DSG3: variants seen among roughly 807,000 people sequenced by gnomAD.
DSG3 encodes the protein desmoglein-3.
In DSG3, 63 loss-of-function variants were observed where a neutral mutation model predicts 85.9. The observed-to-expected ratio is 0.73, with a 90% CI of 0.60 to 0.90. DSG3 has a LOEUF of 0.90. Among genes scored for constraint, DSG3 ranks in the 40% least tolerant of loss-of-function variants. The pLI, the probability that DSG3 is intolerant of heterozygous loss-of-function variation, is 0.00. For missense variants in DSG3, 1,220 were observed against 1,219.9 expected (o/e 1.00, Z 0.00); for synonymous variants, 447 against 441.9 (o/e 1.01, Z -0.14).
intron 1 of DSG3, among the ~76,000 whole-genome samples, chr18:31,449,929 G>T (rs2072701175): frequency 6.6e-6 from 1 of 152,126 alleles, no homozygotes; most frequent in Non-Finnish European, 1.5e-5. Context: ...ATTTGAAGAA[G>T]ACTTTGAATG....
intron 1 of DSG3, 56 bp from the exon 2 acceptor site, chr18:31,456,384 A>G: frequency 9.4e-7 from 1 of 1,063,588 alleles, no homozygotes; most frequent in Non-Finnish European, 1.3e-6. Flanking sequence ...TTCATTGTAT[A>G]TAATTCCTTA....
Position 31,461,894 on chromosome 18 carries a change from C to A in DSG3, c.999+482C>A, listed in dbSNP as rs540195873. Among the ~76,000 whole-genome samples, 8 of 152,258 alleles carry A rather than the reference C, an allele frequency of 5.3e-5. No individual in the cohort carries two copies. In the South Asian group the frequency reaches 1.7e-3, roughly 32 times the overall value. On this transcript the variant is annotated intron_variant, in intron 8 of 15. Transcript: ENST00000257189. ...TTCCTACAAAATGGGAATTTATGAA[C>A]AAAATCTGCAAAATAAAAGATAAAT...
intron 14 of DSG3, 152 bp from the exon 15 acceptor site, chr18:31,473,969 T>C (rs2072870710): frequency 7.3e-6 from 5 of 689,382 alleles, no homozygotes; most frequent in Non-Finnish European, 1.2e-5. Context: ...ACATAACACA[T>C]TGTGGGATGT....
intron 9 of DSG3, among the ~76,000 whole-genome samples, chr18:31,464,830 A>T (rs529385154): frequency 4.6e-5 from 7 of 152,280 alleles, no homozygotes; most frequent in Admixed American, 3.3e-4. Flanking sequence ...TGCATAGCAG[A>T]TATGCTTAAG....
chr18:31,457,922 C>G (rs959321298), intron 3 of DSG3, among the ~76,000 whole-genome samples: 1 of 152,034 alleles, frequency 6.6e-6, no homozygotes, highest in Non-Finnish European at 1.5e-5. Context: ...AGCCACCACG[C>G]CCAGCCTGTT....
In DSG3 at chr18:31,472,358, G is replaced by C. The variant is rs1452609392; in HGVS notation, c.1972G>C (p.Val658Leu). The C allele has an allele frequency of 7.4e-6, 12 of 1,614,048 alleles. No individual in the cohort carries two copies. The highest frequency in any genetic ancestry group is 2.7e-5 in the African/African-American group (2 of 74,916). Residue 658 changes from valine (V) to leucine (L), a missense_variant, in exon 13 of 16, where the codon GTT becomes CTT. Val to Leu is a conservative substitution (Grantham distance 32). Transcript: ENST00000257189. ...TGGVTGGFIP[V>L]PDGSEGTIHQ... ...GGGAGTGACAGGTGGTTTTATCCCA[G>C]TTCCTGATGGCTCAGAAGGAACAAT...
In DSG3 at chr18:31,477,126, G is replaced by C. The variant is rs1284807270; in HGVS notation, c.*866G>C. The stretch of plus-strand genomic sequence containing the variant: ...GCTAAGGGGTATAAGCTTATGTGTT[G>C]AATTTGCTACATCTATATTTCACAT... On this transcript the variant is annotated 3_prime_UTR_variant, in exon 16 of 16. Transcript: ENST00000257189. The C allele has an allele frequency of 6.6e-6, 1 of 152,136 alleles. No individual in the cohort carries two copies. The highest frequency in any genetic ancestry group is 2.4e-5 in the African/African-American group (1 of 41,432). 9.4% of individuals were successfully genotyped at this position (152,136 alleles called of 1,614,324 possible).
At chr18:31,461,491 T>C (rs2072786169) in intron 8 of DSG3, 79 bp downstream of exon 8, 1 of 1,258,602 alleles carries the variant, frequency 7.9e-7, no homozygotes, top group African/African-American at 1.5e-5. Context: ...AAAATGTATT[T>C]ATTTGTTAAT....
rs530718383 is a variant in DSG3, at chr18:31,449,482, A to G, written c.48+1557A>G. 4.8e-4 allele frequency among the ~76,000 whole-genome samples: 73 copies of G among 151,696 alleles called. No individual in the cohort carries two copies. In the South Asian group the frequency reaches 0.011, roughly 22 times the overall value. On this transcript the variant is annotated intron_variant, in intron 1 of 15. Transcript: ENST00000257189. ...CTAAGGGGGATTCTTTTTTTTTTCT[A>G]ATTTGACATATAGGACACTCTCAAT...
intron 1 of DSG3, among the ~76,000 whole-genome samples, chr18:31,453,308 A>G (rs1231346874): frequency 6.6e-6 from 1 of 152,216 alleles, no homozygotes; most frequent in African/African-American, 2.4e-5. Flanking sequence ...AAGTGTAGTC[A>G]GGCCCTAGGC....
In DSG3 at chr18:31,477,526, T is replaced by G. The variant is rs536915992; in HGVS notation, c.*1266T>G. ...ATAAGCAGCATTCCAGAAAAGTAGT[T>G]GGTGAAATAATTTTCAAGTCAAAAA... is the stretch of plus-strand genomic sequence containing the variant. On this transcript the variant is annotated 3_prime_UTR_variant, in exon 16 of 16. Coordinates refer to ENST00000257189, the MANE Select transcript of DSG3 (RefSeq NM_001944.3). 1.3e-5 allele frequency: 2 copies of G among 152,188 alleles called. No homozygotes were observed. Among genetic ancestry groups the G allele is most frequent in the Non-Finnish European group, 2.9e-5 (2 of 68,028 alleles). 9.4% of individuals were successfully genotyped at this position (152,188 alleles called of 1,614,324 possible). A position where few individuals can be genotyped will look rare whatever the true frequency, so the allele number is the denominator to read the frequency against.
chr18:31,475,172 C>T (rs969875431), intron 15 of DSG3, among the ~76,000 whole-genome samples: 1 of 152,208 alleles, frequency 6.6e-6, no homozygotes, highest in Non-Finnish European at 1.5e-5. Flanking sequence ...GCTTGCCTCT[C>T]ATTTGATAAC....
chr18:31,469,362 T>C lies in DSG3; in HGVS notation c.1897+13T>C. 1 of 1,611,888 alleles carries C rather than the reference T, an allele frequency of 6.2e-7. No individual in the cohort carries two copies. Among genetic ancestry groups the C allele is most frequent in the Non-Finnish European group, 8.5e-7 (1 of 1,179,722 alleles). ...CTGCTGCTGCTGTGTGAGTAGCCAA[T>C]GTTTCATTCTCTGTTGGACCAGGTG... On this transcript the variant is annotated intron_variant, in intron 12 of 15. Transcript: ENST00000257189.
chr18:31,460,820 T>G lies in DSG3; in HGVS notation c.685-13T>G. 1 of 1,565,874 alleles carries G rather than the reference T, an allele frequency of 6.4e-7. No homozygotes were observed. The highest frequency in any genetic ancestry group is 8.6e-7 in the Non-Finnish European group (1 of 1,164,570). Reference sequence around the variant, plus strand: ...GGATTAATTATTTTTCTTTATTTTTTATCCAAAATTAGCAAGCTAGCAGCT... The same window carrying G: ...GGATTAATTATTTTTCTTTATTTTTGATCCAAAATTAGCAAGCTAGCAGCT... On this transcript the variant is annotated splice_polypyrimidine_tract_variant and intron_variant, in intron 6 of 15. Transcript: ENST00000257189.
At position 31,459,878 on chromosome 18, in the gene DSG3, C is replaced by G; in HGVS notation, c.551C>G (p.Ala184Gly). The G allele has an allele frequency of 6.2e-7, 1 of 1,613,930 alleles. No individual in the cohort carries two copies. Residue 184 changes from alanine to glycine, a missense_variant, in exon 6 of 16, where the codon GCA becomes GGA. Physicochemically the swap from Ala to Gly is moderately conservative, Grantham distance 60. Transcript: ENST00000257189. ...GTGATGATACTAAATGCCACAGATGCAGATGAACCAAACCACTTGAATTCT... is the reference window on the plus strand; with the variant it reads ...GTGATGATACTAAATGCCACAGATGGAGATGAACCAAACCACTTGAATTCT... Reference protein sequence around the residue: ...SLVMILNATDADEPNHLNSKI... With the variant: ...SLVMILNATDGDEPNHLNSKI...
At chr18:31,449,675 A>C (rs2072699883) in intron 1 of DSG3, among the ~76,000 whole-genome samples, 1 of 152,218 alleles carries the variant, frequency 6.6e-6, no homozygotes, top group Non-Finnish European at 1.5e-5. Context: ...ACCCCCGCAC[A>C]ATGTCCCTAT....
chr18:31,460,093 C>A lies in DSG3; in HGVS notation c.684+82C>A, dbSNP rs111508694. On this transcript the variant is annotated intron_variant, in intron 6 of 15. Transcript: ENST00000257189. ...CCAAGAGAGGTGACTCCATTTTACC[C>A]GAAAATTAAAAAAGAAAAGAGGTTC... 3.5e-5 allele frequency: 50 copies of A among 1,418,432 alleles called. No individual in the cohort carries two copies. The African/African-American group carries it at 6.3e-4, about 18-fold the overall frequency. The allele number at this position is 1,418,432 out of a possible 1,614,324, so 87.9% of individuals were successfully genotyped here. A position where few individuals can be genotyped will look rare whatever the true frequency, so the allele number is the denominator to read the frequency against.
intron 9 of DSG3, among the ~76,000 whole-genome samples, chr18:31,464,592 AC>A (rs1243765336): frequency 2.0e-5 from 3 of 152,228 alleles, no homozygotes; most frequent in Non-Finnish European, 2.9e-5. Context: ...AGCACAAGTT[AC>A]AGTGGAAACC....
At chr18:31,454,286 G>C (rs2072728465) in intron 1 of DSG3, among the ~76,000 whole-genome samples, 1 of 152,158 alleles carries the variant, frequency 6.6e-6, no homozygotes, top group African/African-American at 2.4e-5. Flanking sequence ...GTGTAGCTGA[G>C]TCATTTTTAT....
Sources: allele counts gnomAD v4.1 joint callset (sites outside exome capture counted in the v4.1 genomes callset), GRCh38; gene constraint gnomAD v4.1.1; transcripts MANE v1.5; gene names NCBI Gene and HGNC (gene_info 2026-07-23, HGNC 2026-07-21).